The following PABPC4L variants were observed in gnomAD, a reference collection of about 807,000 sequenced individuals.
PABPC4L encodes polyadenylate-binding protein 4-like.
For missense variants in PABPC4L, 452 were observed against 451.4 expected (o/e 1.00, Z -0.01); for synonymous variants, 169 against 164.1 (o/e 1.03, Z -0.23).
At chr4:134,048,893 A>C in the PABPC4L span, among the ~76,000 whole-genome samples, 1 of 152,046 alleles carries the variant, frequency 6.6e-6, no homozygotes, top group African/African-American at 2.4e-5. Flanking sequence ...CAAATACCTA[A>C]ATTTTAAAGT....
At chr4:133,990,269 C>T in the PABPC4L span, among the ~76,000 whole-genome samples, 6 of 152,154 alleles carry the variant, frequency 3.9e-5, no homozygotes, top group Non-Finnish European at 8.8e-5. Flanking sequence ...CTCTGTATCA[C>T]ATTTTTGTAA....
the PABPC4L span, among the ~76,000 whole-genome samples, chr4:133,981,718 C>T: frequency 7.2e-5 from 11 of 151,964 alleles, no homozygotes; most frequent in Non-Finnish European, 1.3e-4. Flanking sequence ...ATTTAAAACT[C>T]AAAAATGAAC....
the PABPC4L span, among the ~76,000 whole-genome samples, chr4:134,056,880 T>G: frequency 6.6e-6 from 1 of 152,046 alleles, no homozygotes. Context: ...TATTATTTCT[T>G]TCTTCCATTA....
chr4:134,162,568 T>A, the PABPC4L span, among the ~76,000 whole-genome samples: 3 of 152,062 alleles, frequency 2.0e-5, no homozygotes, highest in Admixed American at 6.5e-5. Context: ...TGTACACTCT[T>A]CTCATCAGCA....
At chr4:134,101,042 T>C in the PABPC4L span, among the ~76,000 whole-genome samples, 1 of 151,434 alleles carries the variant, frequency 6.6e-6, no homozygotes, top group African/African-American at 2.4e-5. Context: ...ATTAATAGCA[T>C]CTGACATATT....
the PABPC4L span, among the ~76,000 whole-genome samples, chr4:134,068,808 A>C: frequency 2.6e-5 from 4 of 151,622 alleles, no homozygotes; most frequent in African/African-American, 9.7e-5. Context: ...TCCTGGGTTC[A>C]AGTGATTCTC....
the PABPC4L span, among the ~76,000 whole-genome samples, chr4:134,070,181 C>T: frequency 2.6e-4 from 40 of 152,054 alleles, no homozygotes; most frequent in Non-Finnish European, 3.7e-4. Context: ...AGCTTAGGAA[C>T]GTGCTGCATT....
the PABPC4L span, among the ~76,000 whole-genome samples, chr4:134,186,671 C>T: frequency 6.6e-5 from 10 of 152,066 alleles, no homozygotes; most frequent in South Asian, 4.1e-4. Context: ...GCAATGGCAA[C>T]GAAAGCCAAA....
chr4:134,059,862 G>C, the PABPC4L span, among the ~76,000 whole-genome samples: 2 of 152,028 alleles, frequency 1.3e-5, no homozygotes, highest in Non-Finnish European at 2.9e-5. Flanking sequence ...TACAGAAAAA[G>C]CACTTTCATA....
the PABPC4L span, among the ~76,000 whole-genome samples, chr4:134,058,591 G>A: frequency 2.0e-5 from 3 of 151,894 alleles, no homozygotes; most frequent in Non-Finnish European, 4.4e-5. Context: ...TAAGCAGTTT[G>A]GTAATATGAT....
the PABPC4L span, among the ~76,000 whole-genome samples, chr4:133,951,788 C>T: frequency 6.6e-6 from 1 of 152,066 alleles, no homozygotes; most frequent in Admixed American, 6.5e-5. Flanking sequence ...CATTAAGTTA[C>T]TAGAAGGGTC....
the PABPC4L span, among the ~76,000 whole-genome samples, chr4:134,168,796 C>T: frequency 1.3e-5 from 2 of 151,832 alleles, no homozygotes; most frequent in East Asian, 3.9e-4. Context: ...CAAAGAAAAT[C>T]CCAGGATCTG....
At chr4:134,026,714 T>A in the PABPC4L span, among the ~76,000 whole-genome samples, 1 of 152,138 alleles carries the variant, frequency 6.6e-6, no homozygotes, top group East Asian at 1.9e-4. Flanking sequence ...ATAATGAAGT[T>A]AAAGTGAGGT....
At chr4:134,152,069 G>A in the PABPC4L span, among the ~76,000 whole-genome samples, 8 of 151,300 alleles carry the variant, frequency 5.3e-5, no homozygotes, top group Admixed American at 4.6e-4. Context: ...TTTATTTATT[G>A]ATTTATACAA....
chr4:134,094,295 G>A, the PABPC4L span, among the ~76,000 whole-genome samples: 5 of 151,568 alleles, frequency 3.3e-5, no homozygotes, highest in South Asian at 2.1e-4. Flanking sequence ...CAGCTGCCCC[G>A]CCCCATGCAG....
the PABPC4L span, among the ~76,000 whole-genome samples, chr4:134,017,840 C>T: frequency 6.6e-6 from 1 of 152,094 alleles, no homozygotes; most frequent in African/African-American, 2.4e-5. Flanking sequence ...TCCCATGCCG[C>T]CCCTAATCCC....
the PABPC4L span, among the ~76,000 whole-genome samples, chr4:133,955,879 C>T: frequency 6.6e-6 from 1 of 152,086 alleles, no homozygotes; most frequent in Admixed American, 6.6e-5. Context: ...AAGAGTCTTA[C>T]AAAATAAACC....
the PABPC4L span, among the ~76,000 whole-genome samples, chr4:134,125,265 T>G: frequency 6.6e-6 from 1 of 152,122 alleles, no homozygotes; most frequent in South Asian, 2.1e-4. Flanking sequence ...GTCACTTGCC[T>G]GCTTTTACTT....
the PABPC4L span, among the ~76,000 whole-genome samples, chr4:134,147,957 A>G: frequency 6.6e-6 from 1 of 152,138 alleles, no homozygotes; most frequent in Non-Finnish European, 1.5e-5. Context: ...GGAAAATGGC[A>G]TAAAGTCACA....
Sources: gnomAD v4.1 joint callset for allele counts (sites outside exome capture counted in the v4.1 genomes callset) on GRCh38, gnomAD v4.1.1 for gene constraint, MANE v1.5 for transcripts, NCBI Gene and HGNC (gene_info 2026-07-23, HGNC 2026-07-21) for gene names.